Variants in RORB observed in about 807,000 individuals in gnomAD.
RORB encodes nuclear receptor ROR-beta.
Under a neutral mutation model 59.1 loss-of-function variants are expected in RORB, and 6 were observed. The observed-to-expected ratio is 0.10, with a 90% confidence interval of 0.06 to 0.20. The LOEUF (loss-of-function observed/expected upper bound fraction) is 0.20. Ranked by LOEUF, RORB falls within the 10% of genes least tolerant of loss-of-function variation. RORB has a pLI of 1.00. For missense variants in RORB, 320 were observed against 560.5 expected (o/e 0.57, Z 4.33); for synonymous variants, 215 against 204.5 (o/e 1.05, Z -0.44).
At chr9:74,504,286 T>A (rs1232005712) in intron 1 of RORB, among the ~76,000 whole-genome samples, 1 of 152,074 alleles carries the variant, frequency 6.6e-6, no homozygotes, top group Non-Finnish European at 1.5e-5. Context: ...TTATACTCAA[T>A]ATGTCCTGCA....
At chr9:74,506,552 T>C (rs562699172) in intron 1 of RORB, among the ~76,000 whole-genome samples, 55 of 152,230 alleles carry the variant, frequency 3.6e-4, no homozygotes, top group African/African-American at 1.3e-3. Flanking sequence ...GTGAACTTAG[T>C]TAACATGGGT....
At chr9:74,505,953 G>A (rs1318978235) in intron 1 of RORB, among the ~76,000 whole-genome samples, 1 of 150,564 alleles carries the variant, frequency 6.6e-6, no homozygotes. Flanking sequence ...ATCAGTGTAA[G>A]GAAGAGGGTA....
At chr9:74,547,659 C>A (rs1055222632) in intron 1 of RORB, among the ~76,000 whole-genome samples, 16 of 152,118 alleles carry the variant, frequency 1.1e-4, no homozygotes, top group African/African-American at 3.9e-4. Flanking sequence ...TGCAAAGGCC[C>A]TGAGGTAGGA....
At chr9:74,671,965 T>A in intron 9 of RORB, 64 bp downstream of exon 9, 16 of 843,710 alleles carry the variant, frequency 1.9e-5, no homozygotes, top group Non-Finnish European at 1.7e-5. Context: ...AAAGGACTGC[T>A]TATAAATCAA....
intron 5 of RORB, among the ~76,000 whole-genome samples, chr9:74,662,212 T>C (rs1040123118): frequency 6.6e-6 from 1 of 152,214 alleles, no homozygotes. Context: ...ATAACAAAGC[T>C]ATCCTTACTT....
intron 1 of RORB, among the ~76,000 whole-genome samples, chr9:74,552,031 G>A (rs1826617399): frequency 6.6e-6 from 1 of 152,264 alleles, no homozygotes; most frequent in South Asian, 2.1e-4. Context: ...GATTCAAGGA[G>A]GCAATGCTGA....
chr9:74,560,100 C>T (rs1383748735), intron 1 of RORB, among the ~76,000 whole-genome samples: 1 of 152,138 alleles, frequency 6.6e-6, no homozygotes, highest in Non-Finnish European at 1.5e-5. Context: ...GTTTCCTCTA[C>T]GGTTTACCCA....
intron 4 of RORB, among the ~76,000 whole-genome samples, chr9:74,653,108 GCTGT>G (rs1370720322): frequency 1.3e-5 from 2 of 152,134 alleles, no homozygotes; most frequent in Admixed American, 1.3e-4. Context: ...AACAAAACTG[GCTGT>G]CTGTTTTGAA....
intron 9 of RORB, among the ~76,000 whole-genome samples, chr9:74,676,378 C>T (rs900396083): frequency 6.6e-6 from 1 of 152,236 alleles, no homozygotes; most frequent in Admixed American, 6.5e-5. Flanking sequence ...TATAACAACA[C>T]ATATATCCAA....
At chr9:74,581,744 C>T (rs1262042957) in intron 1 of RORB, among the ~76,000 whole-genome samples, 1 of 152,080 alleles carries the variant, frequency 6.6e-6, no homozygotes, top group Non-Finnish European at 1.5e-5. Flanking sequence ...CTGATTCCCC[C>T]CTGAGAACCA....
chr9:74,630,507 T>TGGGG, intron 2 of RORB, 140 bp downstream of exon 2: 1 of 399,788 alleles, frequency 2.5e-6, no homozygotes, highest in Non-Finnish European at 4.6e-6. Context: ...TCTTGCGTGG[T>TGGGG]GGGTGGGAGG....
chr9:74,630,208 G>C, intron 1 of RORB, 74 bp from the exon 2 acceptor site: 1 of 1,567,544 alleles, frequency 6.4e-7, no homozygotes, highest in Non-Finnish European at 8.7e-7. Context: ...AGAGATAGAT[G>C]GGGAGAGAGA....
chr9:74,641,992 C>G (rs1823814746), intron 3 of RORB, among the ~76,000 whole-genome samples: 1 of 152,064 alleles, frequency 6.6e-6, no homozygotes, highest in Non-Finnish European at 1.5e-5. Context: ...AGGGTCCAAT[C>G]TGGCAATCTA....
At chr9:74,585,177 C>G (rs1450523649) in intron 1 of RORB, among the ~76,000 whole-genome samples, 2 of 152,166 alleles carry the variant, frequency 1.3e-5, no homozygotes, top group African/African-American at 4.8e-5. Flanking sequence ...CTGAGTGCAT[C>G]GATAGCATTT....
At chr9:74,660,581 A>G (rs371948787) in intron 4 of RORB, 36 bp from the exon 5 acceptor site, 407 of 1,583,722 alleles carry the variant, frequency 2.6e-4, no homozygotes, top group Non-Finnish European at 3.1e-4. Flanking sequence ...GAGTAATTTT[A>G]TTCACAAACC....
chr9:74,598,074 T>A (rs1822998856), intron 1 of RORB, among the ~76,000 whole-genome samples: 1 of 152,218 alleles, frequency 6.6e-6, no homozygotes, highest in Admixed American at 6.5e-5. Context: ...ATTTTTAATG[T>A]GGCTACTAGA....
At chr9:74,509,397 A>T (rs1224481725) in intron 1 of RORB, among the ~76,000 whole-genome samples, 3 of 152,022 alleles carry the variant, frequency 2.0e-5, no homozygotes, top group Middle Eastern at 3.2e-3. Flanking sequence ...CAAAATTTTG[A>T]AAAAATTGCA....
intron 1 of RORB, chr9:74,499,189 T>C (rs913871981): frequency 1.3e-5 from 2 of 152,428 alleles, no homozygotes; most frequent in Non-Finnish European, 2.9e-5. Flanking sequence ...AGAAAGTTAG[T>C]AACGGCCAGC....
chr9:74,576,113 T>C (rs1176004023), intron 1 of RORB, among the ~76,000 whole-genome samples: 2 of 152,128 alleles, frequency 1.3e-5, no homozygotes. Context: ...CATGATTAAG[T>C]TGCAGGTGAT....
Sources: allele counts gnomAD v4.1 joint callset (sites outside exome capture counted in the v4.1 genomes callset), GRCh38; gene constraint gnomAD v4.1.1; transcripts MANE v1.5; gene names NCBI Gene and HGNC (gene_info 2026-07-23, HGNC 2026-07-21).